The following SLC39A12 variants were observed in gnomAD, a reference collection of about 807,000 sequenced individuals.
SLC39A12 encodes the protein zinc transporter ZIP12.
In SLC39A12, 63 loss-of-function variants were observed where a neutral mutation model predicts 71.1. That is an observed-to-expected ratio of 0.89 (90% CI 0.72 to 1.09). The LOEUF is 1.09. Among genes scored for constraint, SLC39A12 ranks in the 50% least tolerant of loss-of-function variants. The probability of loss-of-function intolerance (pLI) is 0.00; values close to 1 mark genes in which losing one functional copy is unlikely to be tolerated. For missense variants in SLC39A12, 892 were observed against 812.6 expected (o/e 1.10, Z -1.19); for synonymous variants, 351 against 301.3 (o/e 1.16, Z -1.71).
chr10:17,966,626 A>T (rs1834831146), intron 4 of SLC39A12, among the ~76,000 whole-genome samples: 2 of 151,854 alleles, frequency 1.3e-5, no homozygotes, highest in Non-Finnish European at 2.9e-5. Flanking sequence ...TTATTTTTTT[A>T]AAGCACCTCA....
chr10:18,016,177 T>G (rs1836376701), intron 12 of SLC39A12, among the ~76,000 whole-genome samples: 1 of 152,170 alleles, frequency 6.6e-6, no homozygotes, highest in South Asian at 2.1e-4. Context: ...AAATGTCCCC[T>G]GTGTTTTGCA....
chr10:18,010,203 G>A (rs1194253170), intron 12 of SLC39A12, among the ~76,000 whole-genome samples: 1 of 152,114 alleles, frequency 6.6e-6, no homozygotes, highest in African/African-American at 2.4e-5. Context: ...GTCAGGTCTG[G>A]TAAATGAATC....
chr10:17,967,167 T>A (rs547237844), intron 4 of SLC39A12, among the ~76,000 whole-genome samples: 2 of 152,276 alleles, frequency 1.3e-5, no homozygotes, highest in East Asian at 3.9e-4. Flanking sequence ...GGGGGTTGGT[T>A]TTCATATGGA....
chr10:17,957,010 C>G (rs1365261029), intron 2 of SLC39A12, among the ~76,000 whole-genome samples: 1 of 152,076 alleles, frequency 6.6e-6, no homozygotes, highest in Non-Finnish European at 1.5e-5. Context: ...CACCCCCCAC[C>G]TCCGGAAAAG....
chr10:17,980,847 T>G (rs1835235618), intron 5 of SLC39A12, among the ~76,000 whole-genome samples: 1 of 152,160 alleles, frequency 6.6e-6, no homozygotes. Flanking sequence ...TTTAGGACTT[T>G]TAAAAGTACA....
intron 3 of SLC39A12, 128 bp from the exon 4 acceptor site, chr10:17,965,355 T>A: frequency 2.7e-6 from 2 of 740,348 alleles, no homozygotes; most frequent in Non-Finnish European, 4.4e-6. Context: ...ATAGTCATAT[T>A]CCTCAAATGA....
intron 12 of SLC39A12, among the ~76,000 whole-genome samples, chr10:18,007,959 T>C (rs1836079349): frequency 6.6e-6 from 1 of 152,256 alleles, no homozygotes; most frequent in Admixed American, 6.5e-5. Flanking sequence ...CCAGCTCCTA[T>C]TCAAGATGGA....
chr10:18,036,773 TATA>T lies in SLC39A12; in HGVS notation c.1948-5931_1948-5929del, dbSNP rs1837046750. Among the ~76,000 whole-genome samples the T allele has an allele frequency of 2.8e-3, 68 of 24,134 alleles. 3 individuals carry two copies. The highest frequency in any genetic ancestry group is 0.012 in the African/African-American group (64 of 5,134). 15.8% of individuals were successfully genotyped at this position (24,134 alleles called of 152,430 possible). On this transcript the variant is annotated intron_variant, in intron 12 of 12. Coordinates refer to ENST00000377369, the MANE Select transcript of SLC39A12 (RefSeq NM_001145195.2). ...ATATATATATATATATATATATATA[TATA>T]TATATATATATATATATATTTTTTT...
At chr10:18,030,799 C>A (rs1281293044) in intron 12 of SLC39A12, among the ~76,000 whole-genome samples, 1 of 108,984 alleles carries the variant, frequency 9.2e-6, no homozygotes, top group East Asian at 3.3e-4. Flanking sequence ...CCTCCCCCCT[C>A]CCCCCACCCC....
At chr10:17,991,072 G>A in intron 7 of SLC39A12, 79 bp from the exon 8 acceptor site, 2 of 1,309,414 alleles carry the variant, frequency 1.5e-6, no homozygotes. Flanking sequence ...TCAACACTGG[G>A]CCTACTATTT....
chr10:18,009,054 T>C (rs1836122195), intron 12 of SLC39A12, among the ~76,000 whole-genome samples: 1 of 152,174 alleles, frequency 6.6e-6, no homozygotes, highest in Non-Finnish European at 1.5e-5. Flanking sequence ...ATTTAAAGCA[T>C]AAATTAATTA....
intron 4 of SLC39A12, among the ~76,000 whole-genome samples, chr10:17,975,742 T>C (rs977646598): frequency 8.5e-5 from 13 of 152,182 alleles, no homozygotes; most frequent in Non-Finnish European, 1.5e-4. Flanking sequence ...AGGACTCATG[T>C]AAAAGTCGCC....
chr10:18,013,648 A>G (rs1365997741), intron 12 of SLC39A12, among the ~76,000 whole-genome samples: 1 of 152,172 alleles, frequency 6.6e-6, no homozygotes, highest in African/African-American at 2.4e-5. Context: ...TTGAGATTAC[A>G]GTATGAGCCA....
intron 12 of SLC39A12, among the ~76,000 whole-genome samples, chr10:18,016,082 C>T (rs1836373108): frequency 6.6e-6 from 1 of 152,104 alleles, no homozygotes; most frequent in Non-Finnish European, 1.5e-5. Flanking sequence ...AGATTTCACT[C>T]CTGGTTTTAT....
chr10:17,957,685 C>A (rs1360545784), intron 2 of SLC39A12, among the ~76,000 whole-genome samples: 2 of 152,140 alleles, frequency 1.3e-5, no homozygotes, highest in African/African-American at 2.4e-5. Context: ...TGGCGTCGAA[C>A]TGAAAATTCC....
At chr10:18,010,149 A>G (rs1395144069) in intron 12 of SLC39A12, among the ~76,000 whole-genome samples, 1 of 152,134 alleles carries the variant, frequency 6.6e-6, no homozygotes, top group African/African-American at 2.4e-5. Flanking sequence ...TATCAGAGAA[A>G]TCTAGACTCC....
intron 12 of SLC39A12, among the ~76,000 whole-genome samples, chr10:18,036,765 TATATATATA>T (rs1837042526): frequency 6.5e-5 from 1 of 15,412 alleles, no homozygotes; most frequent in East Asian, 1.7e-3. Context: ...TATATATATA[TATATATATA>T]TATATATATA....
chr10:17,968,313 G>A (rs1834885407), intron 4 of SLC39A12, among the ~76,000 whole-genome samples: 1 of 151,970 alleles, frequency 6.6e-6, no homozygotes, highest in African/African-American at 2.4e-5. Flanking sequence ...TTATGTTTCT[G>A]ACTTTGAAAG....
chr10:18,012,769 G>A (rs1390482496), intron 12 of SLC39A12, among the ~76,000 whole-genome samples: 1 of 151,608 alleles, frequency 6.6e-6, no homozygotes. Context: ...AGGAGGCTGA[G>A]GCAGGAGAAT....
Sources: gnomAD v4.1 joint callset for allele counts (sites outside exome capture counted in the v4.1 genomes callset) on GRCh38, gnomAD v4.1.1 for gene constraint, MANE v1.5 for transcripts, NCBI Gene and HGNC (gene_info 2026-07-23, HGNC 2026-07-21) for gene names.